NR6A1: variants seen among roughly 807,000 people sequenced by gnomAD.
The protein encoded by NR6A1 is nuclear receptor subfamily 6 group A member 1.
Under a neutral mutation model 59.1 loss-of-function variants are expected in NR6A1, and 7 were observed. The observed-to-expected ratio is 0.12, with a 90% CI of 0.07 to 0.22. NR6A1 has a LOEUF of 0.22. Ranked by LOEUF, NR6A1 falls within the 10% of genes least tolerant of loss-of-function variation. The pLI is 1.00. For missense variants in NR6A1, 468 were observed against 611.6 expected (o/e 0.77, Z 2.48); for synonymous variants, 243 against 236.1 (o/e 1.03, Z -0.27).
chr9:124,615,053 T>A (rs984979391), intron 2 of NR6A1, among the ~76,000 whole-genome samples: 1 of 152,228 alleles, frequency 6.6e-6, no homozygotes, highest in South Asian at 2.1e-4. Flanking sequence ...TTCCACTGAA[T>A]GTTTCTATTC....
chr9:124,533,756 T>C (rs1215430003), intron 7 of NR6A1, among the ~76,000 whole-genome samples: 2 of 152,122 alleles, frequency 1.3e-5, no homozygotes, highest in African/African-American at 2.4e-5. Context: ...GTTCACGCCA[T>C]TCTCCTGTCT....
intron 6 of NR6A1, among the ~76,000 whole-genome samples, chr9:124,537,865 T>C (rs545354179): frequency 1.3e-5 from 2 of 152,258 alleles, no homozygotes; most frequent in African/African-American, 4.8e-5. Flanking sequence ...TCTATCTCAA[T>C]TCCATAGGAA....
intron 2 of NR6A1, among the ~76,000 whole-genome samples, chr9:124,561,348 G>A (rs1834079250): frequency 6.6e-6 from 1 of 152,052 alleles, no homozygotes; most frequent in Non-Finnish European, 1.5e-5. Flanking sequence ...TGAGGTAGGA[G>A]TATCACCTGA....
chr9:124,708,470 C>T (rs1228016593), intron 2 of NR6A1, among the ~76,000 whole-genome samples: 1 of 152,220 alleles, frequency 6.6e-6, no homozygotes, highest in Admixed American at 6.5e-5. Flanking sequence ...TTGACCTCCT[C>T]ATTCACTCAT....
rs1343786930 is a variant in NR6A1 at position 124,764,719 on chromosome 9, A to G, written c.100+6301T>C. ...ACTACAATTCCAATGTGCTATAGCT[A>G]TTACTCTAACAACTCCCTTAATCAC... On this transcript the variant is annotated intron_variant, in intron 1 of 9. Transcript: ENST00000487099. 2.0e-5 allele frequency among the ~76,000 whole-genome samples: 3 copies of G among 152,362 alleles called. No individual in the cohort carries two copies. The South Asian group carries it at 6.2e-4, about 32-fold the overall frequency.
At chr9:124,619,185 G>A (rs1170022114) in intron 2 of NR6A1, among the ~76,000 whole-genome samples, 1 of 152,048 alleles carries the variant, frequency 6.6e-6, no homozygotes, top group Non-Finnish European at 1.5e-5. Flanking sequence ...ACAGATCCAT[G>A]AATCATATCA....
chr9:124,708,336 G>C (rs1339243150), intron 2 of NR6A1, among the ~76,000 whole-genome samples: 1 of 152,220 alleles, frequency 6.6e-6, no homozygotes, highest in Non-Finnish European at 1.5e-5. Flanking sequence ...AATAGGAACA[G>C]GCCCAGGCAA....
chr9:124,659,895 T>C (rs1837375642), intron 2 of NR6A1, among the ~76,000 whole-genome samples: 3 of 152,248 alleles, frequency 2.0e-5, no homozygotes. Flanking sequence ...GTTCCTAATT[T>C]GAAGCAGACT....
intron 2 of NR6A1, among the ~76,000 whole-genome samples, chr9:124,732,749 T>G (rs1839921222): frequency 6.6e-6 from 1 of 150,862 alleles, no homozygotes; most frequent in East Asian, 1.9e-4. Flanking sequence ...CAGGCTGGAG[T>G]GCAATGGCAT....
At chr9:124,721,889 C>A (rs1245290125) in intron 2 of NR6A1, among the ~76,000 whole-genome samples, 1 of 152,222 alleles carries the variant, frequency 6.6e-6, no homozygotes, top group Non-Finnish European at 1.5e-5. Flanking sequence ...TCTGAAGTCT[C>A]AGATACTTCA....
chr9:124,528,989 C>T lies in NR6A1; in HGVS notation c.1080-2089G>A, dbSNP rs148051084. 3.6e-3 allele frequency among the ~76,000 whole-genome samples: 547 copies of T among 152,304 alleles called. 4 individuals are homozygous for T. Among genetic ancestry groups the T allele is most frequent in the African/African-American group, 0.013 (531 of 41,564 alleles). On this transcript the variant is annotated intron_variant, in intron 7 of 9. Coordinates refer to ENST00000487099, the MANE Select transcript of NR6A1 (RefSeq NM_033334.4). The stretch of plus-strand genomic sequence containing the variant: ...TGGGGGTCCTGGAAGCAATCCTCCA[C>T]GGATACTGGAGATGACTGCACATGC...
chr9:124,735,732 T>C (rs1463852146), intron 1 of NR6A1, among the ~76,000 whole-genome samples: 1 of 152,150 alleles, frequency 6.6e-6, no homozygotes, highest in African/African-American at 2.4e-5. Flanking sequence ...ACTGCTATAA[T>C]AAAATATCAT....
At chr9:124,756,960 C>G (rs1840649780) in intron 1 of NR6A1, among the ~76,000 whole-genome samples, 1 of 144,210 alleles carries the variant, frequency 6.9e-6, no homozygotes, top group African/African-American at 2.5e-5. Flanking sequence ...GATGAGGGTG[C>G]AGGGCAACAT....
At chr9:124,579,493 GC>G (rs2131453882) in intron 2 of NR6A1, among the ~76,000 whole-genome samples, 1 of 152,274 alleles carries the variant, frequency 6.6e-6, no homozygotes, top group East Asian at 1.9e-4. Context: ...GGAGGTTGAA[GC>G]TACAGTGAGT....
chr9:124,693,625 C>T (rs1588794276), intron 2 of NR6A1: 1 of 485,058 alleles, frequency 2.1e-6, no homozygotes, highest in East Asian at 6.0e-5. Context: ...AGAAGCCAGA[C>T]ACACAGACTT....
Position 124,536,021 on chromosome 9 carries a change from T to G in NR6A1, c.936A>C (p.Ser312=). Residue 312 remains serine, a synonymous_variant, in exon 7 of 10, where the codon TCA becomes TCC. Transcript: ENST00000487099. ...IKKLPFFCEL[S]IKDYTCLLSS... ...TCAAGAGGCACGTGTAATCCTTGAT[T>G]GAGAGCTCGCAGAAGAAAGGCAGTT... The G allele has an allele frequency of 1.9e-6, 3 of 1,614,136 alleles. No homozygotes were observed. Among genetic ancestry groups the G allele is most frequent in the Non-Finnish European group, 2.5e-6 (3 of 1,180,024 alleles).
At chr9:124,726,091 A>G (rs929137770) in intron 2 of NR6A1, among the ~76,000 whole-genome samples, 3 of 152,362 alleles carry the variant, frequency 2.0e-5, no homozygotes, top group Non-Finnish European at 1.5e-5. Flanking sequence ...TGTCAAAGGC[A>G]TATCATACTT....
intron 1 of NR6A1, among the ~76,000 whole-genome samples, chr9:124,753,230 C>T (rs1341439948): frequency 1.3e-5 from 2 of 152,166 alleles, no homozygotes; most frequent in African/African-American, 4.8e-5. Flanking sequence ...TTTTCTAGTG[C>T]CTCTCTAGTG....
At chr9:124,529,954 C>T (rs377619501) in intron 7 of NR6A1, among the ~76,000 whole-genome samples, 4 of 152,106 alleles carry the variant, frequency 2.6e-5, no homozygotes, top group African/African-American at 4.8e-5. Context: ...GAGGACACAA[C>T]GGGAGAGGCA....
Sources: gnomAD v4.1 joint callset for allele counts (sites outside exome capture counted in the v4.1 genomes callset) on GRCh38, gnomAD v4.1.1 for gene constraint, MANE v1.5 for transcripts, NCBI Gene and HGNC (gene_info 2026-07-23, HGNC 2026-07-21) for gene names.